The following JAKMIP3 variants were observed in gnomAD, a reference collection of about 807,000 sequenced individuals.
JAKMIP3 encodes the protein janus kinase and microtubule-interacting protein 3.
A neutral mutation model predicts 118.5 loss-of-function variants in JAKMIP3; 58 were observed. The observed-to-expected ratio is 0.49, with a 90% CI of 0.40 to 0.61. JAKMIP3 has a LOEUF of 0.61. JAKMIP3 is among the 20% of genes least tolerant of loss of function. JAKMIP3 has a pLI of 0.00. For missense variants in JAKMIP3, 950 were observed against 1,109.0 expected (o/e 0.86, Z 2.04); for synonymous variants, 486 against 451.2 (o/e 1.08, Z -0.98).
chr10:132,044,340 C>T lies in JAKMIP3; in HGVS notation c.-138+7602C>T, dbSNP rs1054190392. On this transcript the variant is annotated intron_variant, in intron 1 of 23. Coordinates refer to the JAKMIP3 transcript ENST00000657785. This position sits in a 1 kb window ranked among gnomAD's most constrained non-coding sequence, Gnocchi z 5.3. ...TGCTGGGAGTGGCCAGTGGCTGAGA[C>T]AGACACAACTTCAGCCGTCGTGCAA... 6.6e-6 allele frequency among the ~76,000 whole-genome samples: 1 copy of T among 152,244 alleles called. No individual in the cohort carries two copies. Among genetic ancestry groups the T allele is most frequent in the African/African-American group, 2.4e-5 (1 of 41,460 alleles).
At chr10:132,079,331 G>T (rs891422813) in intron 1 of JAKMIP3, among the ~76,000 whole-genome samples, 26 of 152,212 alleles carry the variant, frequency 1.7e-4, no homozygotes, top group African/African-American at 6.3e-4. Context: ...GCTCATTCCA[G>T]GCTCTGGCCC....
rs1253009768 is a variant in JAKMIP3, at chr10:132,184,733, CTA to C, written c.*3482_*3483del. On this transcript the variant is annotated 3_prime_UTR_variant, in exon 24 of 24. Coordinates refer to ENST00000684848, the MANE Select transcript of JAKMIP3 (RefSeq NM_001323087.2). The stretch of plus-strand genomic sequence containing the variant: ...TACAAATATTTTTGTATTGTGATTC[CTA>C]TGATATATACCAGAGAATTTTTTAC... 1 of 152,120 alleles carries C rather than the reference CTA, an allele frequency of 6.6e-6. No individual in the cohort carries two copies. The highest frequency in any genetic ancestry group is 2.1e-4 in the South Asian group (1 of 4,826). 9.4% of individuals were successfully genotyped at this position (152,120 alleles called of 1,614,324 possible). A position where few individuals can be genotyped will look rare whatever the true frequency, so the allele number is the denominator to read the frequency against.
chr10:132,039,384 G>A (rs111478244), intron 1 of JAKMIP3, among the ~76,000 whole-genome samples: 3 of 119,610 alleles, frequency 2.5e-5, no homozygotes, highest in Admixed American at 9.9e-5. Flanking sequence ...TGCCCCCTCC[G>A]GTTTTGACAT....
intron 19 of JAKMIP3, among the ~76,000 whole-genome samples, chr10:132,162,905 C>T (rs2058505541): frequency 6.6e-6 from 1 of 152,218 alleles, no homozygotes; most frequent in South Asian, 2.1e-4. Context: ...CACAGGCCAC[C>T]TGCAGCCCCT....
intron 11 of JAKMIP3, 26 bp downstream of exon 11, chr10:132,142,074 C>A (rs749322576): frequency 1.5e-6 from 2 of 1,379,226 alleles, no homozygotes; most frequent in African/African-American, 1.5e-5. Flanking sequence ...ACCGCGCGTT[C>A]CGGCCCCCCT....
rs933364553 is a variant in JAKMIP3, at chr10:132,118,116, G to A, written c.633+542G>A. ...CCGGGGGGTGGGATGGCCCCCAGCTGCCCTGAGGTCCCTGTCTCTGCAGAA... is the reference window on the plus strand; with the variant it reads ...CCGGGGGGTGGGATGGCCCCCAGCTACCCTGAGGTCCCTGTCTCTGCAGAA... On this transcript the variant is annotated intron_variant, in intron 3 of 23. Transcript: ENST00000684848. The surrounding 1 kb of genome is among the most constrained non-coding windows in gnomAD (Gnocchi z 4.8). 1.4e-4 allele frequency among the ~76,000 whole-genome samples: 22 copies of A among 152,142 alleles called. No individual in the cohort carries two copies. Among genetic ancestry groups the A allele is most frequent in the African/African-American group, 5.1e-4 (21 of 41,424 alleles).
chr10:132,153,059 G>T, intron 17 of JAKMIP3, 36 bp downstream of exon 17: 1 of 1,517,650 alleles, frequency 6.6e-7, no homozygotes, highest in South Asian at 1.2e-5. Context: ...GGAGAGGGCC[G>T]GGCTCCTGGG....
rs2060799403 is a variant in JAKMIP3 at position 132,180,580 on chromosome 10, C to CGTGCGTGCGTGT, written c.*1104-1772_*1104-1771insTGCGTGTGTGCG. On this transcript the variant is annotated intron_variant, in intron 23 of 23. Transcript: ENST00000684848. ...ATGCGTGTGTGTGCGTGTGTGTGTG[C>CGTGCGTGCGTGT]GTGCGCGTGTGTGTGTGCGTGCGCG... 6.2e-4 allele frequency among the ~76,000 whole-genome samples: 8 copies of CGTGCGTGCGTGT among 12,978 alleles called. 2 individuals are homozygous for CGTGCGTGCGTGT. Among genetic ancestry groups the CGTGCGTGCGTGT allele is most frequent in the African/African-American group, 3.2e-3 (6 of 1,854 alleles). The allele number at this position is 12,978 out of a possible 152,430, so 8.5% of individuals were successfully genotyped here. A position where few individuals can be genotyped will look rare whatever the true frequency, so the allele number is the denominator to read the frequency against.
At chr10:132,178,442 A>T (rs902635) in intron 23 of JAKMIP3, among the ~76,000 whole-genome samples, 80,609 of 152,044 alleles carry the variant, frequency 0.53, 22,544 homozygotes, top group East Asian at 0.94. Context: ...AGAAAAAAAT[A>T]CCTTGACTGT....
chr10:132,165,121 T>C (rs1349964377), intron 21 of JAKMIP3, among the ~76,000 whole-genome samples: 2 of 152,226 alleles, frequency 1.3e-5, no homozygotes, highest in Non-Finnish European at 2.9e-5. Context: ...AGGTTCACCT[T>C]GCACTGGTCT....
intron 3 of JAKMIP3, among the ~76,000 whole-genome samples, chr10:132,119,058 G>C (rs757666778): frequency 6.6e-6 from 1 of 152,130 alleles, no homozygotes; most frequent in African/African-American, 2.4e-5. Flanking sequence ...TCTCACCCCC[G>C]ATCTGAACCC....
At chr10:132,096,955 C>G (rs2043953124) in intron 1 of JAKMIP3, among the ~76,000 whole-genome samples, 1 of 152,220 alleles carries the variant, frequency 6.6e-6, no homozygotes, top group Non-Finnish European at 1.5e-5. Flanking sequence ...AGCCACAGAA[C>G]CAGTTAGGCA....
intron 1 of JAKMIP3, among the ~76,000 whole-genome samples, chr10:132,058,791 C>G (rs183783310): frequency 6.6e-6 from 1 of 152,188 alleles, no homozygotes; most frequent in African/African-American, 2.4e-5. Flanking sequence ...CTGGATAAAT[C>G]CACCGTATGT....
At chr10:132,079,223 T>C (rs968181424) in intron 1 of JAKMIP3, among the ~76,000 whole-genome samples, 1 of 149,288 alleles carries the variant, frequency 6.7e-6, no homozygotes, top group African/African-American at 2.6e-5. Context: ...GATCTGCATT[T>C]GTTTTCTCTT....
chr10:132,040,869 C>A (rs1245696640), intron 1 of JAKMIP3, among the ~76,000 whole-genome samples: 1 of 152,140 alleles, frequency 6.6e-6, no homozygotes, highest in Admixed American at 6.5e-5. Flanking sequence ...TGGAAGCCTC[C>A]CTTCCAGTCT....
In JAKMIP3 at chr10:132,161,843, G is replaced by GGAATGACT. The variant is rs1487393043; in HGVS notation, c.2221-1365_2221-1364insAATGACTG. ...GGGCCTCTTCTTGGGTGAAGCTAGG[G>GGAATGACT]GGTCTTTTCTTGGGTGATGCTGGGG... On this transcript the variant is annotated intron_variant, in intron 19 of 23. Coordinates refer to ENST00000684848, the MANE Select transcript of JAKMIP3 (RefSeq NM_001323087.2). Among the ~76,000 whole-genome samples, 12 of 104,732 alleles carry GGAATGACT rather than the reference G, an allele frequency of 1.1e-4. 1 individual carries two copies. The highest frequency in any genetic ancestry group is 2.4e-4 in the Admixed American group (2 of 8,346). 68.7% of individuals were successfully genotyped at this position (104,732 alleles called of 152,430 possible).
rs375807579 is a variant in JAKMIP3 at position 132,140,584 on chromosome 10, C to T, written c.1473+5C>T. 8 of 1,407,992 alleles carry T rather than the reference C, an allele frequency of 5.7e-6. No homozygotes were observed. In the South Asian group the frequency reaches 6.5e-5, roughly 12 times the overall value. 87.2% of individuals were successfully genotyped at this position (1,407,992 alleles called of 1,614,324 possible). The stretch of plus-strand genomic sequence containing the variant: ...CCGGACGATGACTTGGAGGAGGTAA[C>T]GAGGGTCTCCTGCCGGGTCCTGGGC... On this transcript the variant is annotated splice_donor_5th_base_variant and intron_variant, in intron 10 of 23. Transcript: ENST00000684848.
chr10:132,104,736 C>A lies in JAKMIP3; in HGVS notation c.-73C>A. The A allele has an allele frequency of 6.7e-7, 1 of 1,484,116 alleles. No individual in the cohort carries two copies. The highest frequency in any genetic ancestry group is 9.1e-7 in the Non-Finnish European group (1 of 1,094,758). 91.9% of individuals were successfully genotyped at this position (1,484,116 alleles called of 1,614,324 possible). ...ACCTGCTGGGAGCTTGGCGTGGACACCCCAGCCACCCCCAGCCCAGCCCAG... is the reference window on the plus strand; with the variant it reads ...ACCTGCTGGGAGCTTGGCGTGGACAACCCAGCCACCCCCAGCCCAGCCCAG... On this transcript the variant is annotated 5_prime_UTR_variant, in exon 2 of 24. Coordinates refer to ENST00000684848, the MANE Select transcript of JAKMIP3 (RefSeq NM_001323087.2).
At chr10:132,147,855 G>T in intron 13 of JAKMIP3, 97 bp from the exon 14 acceptor site, 1 of 859,446 alleles carries the variant, frequency 1.2e-6, no homozygotes. Context: ...GGCCTCCCCG[G>T]CAGCCAGCAG....
Sources: gnomAD v4.1 joint callset for allele counts (sites outside exome capture counted in the v4.1 genomes callset) on GRCh38, gnomAD v4.1.1 for gene constraint, Gnocchi (gnomAD v3.1) non-coding constraint, MANE v1.5 for transcripts, NCBI Gene and HGNC (gene_info 2026-07-23, HGNC 2026-07-21) for gene names.